PTPRK: variants seen among roughly 807,000 people sequenced by gnomAD.
The protein encoded by PTPRK is receptor-type tyrosine-protein phosphatase kappa.
A neutral mutation model predicts 178.0 loss-of-function variants in PTPRK; 75 were observed. That is an observed-to-expected ratio of 0.42 (90% CI 0.35 to 0.51). The LOEUF (loss-of-function observed/expected upper bound fraction) is 0.51, where lower values mean the gene tolerates loss of function less well. PTPRK is among the 20% of genes least tolerant of loss of function. The pLI is 0.02. For missense variants in PTPRK, 1,441 were observed against 1,797.8 expected, an observed-to-expected ratio of 0.80 and a Z score of 3.59; for synonymous variants, 637 against 620.6, an observed-to-expected ratio of 1.03 and a Z score of -0.39.
chr6:128,336,461 C>A (rs142382863), intron 2 of PTPRK, among the ~76,000 whole-genome samples: 2 of 152,080 alleles, frequency 1.3e-5, no homozygotes, highest in Non-Finnish European at 2.9e-5. Flanking sequence ...TACCCCAAGG[C>A]GCTGGGAAAA....
intron 1 of PTPRK, among the ~76,000 whole-genome samples, chr6:128,492,706 T>C (rs1378553156): frequency 6.6e-6 from 1 of 152,220 alleles, no homozygotes; most frequent in African/African-American, 2.4e-5. Flanking sequence ...TACTACTCTA[T>C]TGAATATAAC....
At chr6:128,136,361 T>C (rs948351660) in intron 7 of PTPRK, among the ~76,000 whole-genome samples, 92 of 152,356 alleles carry the variant, frequency 6.0e-4, no homozygotes, top group African/African-American at 2.0e-3. Context: ...GGTGCTTCCC[T>C]GAGCTGCGCT....
At chr6:128,419,072 A>T (rs1266797423) in intron 1 of PTPRK, among the ~76,000 whole-genome samples, 1 of 152,202 alleles carries the variant, frequency 6.6e-6, no homozygotes, top group Admixed American at 6.5e-5. Context: ...CAGTAATTCA[A>T]ATGAAGTATA....
At chr6:128,080,025 G>C (rs1400288543) in intron 10 of PTPRK, among the ~76,000 whole-genome samples, 1 of 147,436 alleles carries the variant, frequency 6.8e-6, no homozygotes, top group Non-Finnish European at 1.5e-5. Context: ...CTGGGGGTGG[G>C]GGGTCACACT....
At chr6:128,339,697 A>T (rs556463779) in intron 2 of PTPRK, among the ~76,000 whole-genome samples, 1 of 152,200 alleles carries the variant, frequency 6.6e-6, no homozygotes, top group East Asian at 1.9e-4. Flanking sequence ...TGTACCTAAG[A>T]AAATGAACAT....
chr6:128,219,944 C>T (rs1810091675), intron 5 of PTPRK, among the ~76,000 whole-genome samples: 1 of 152,152 alleles, frequency 6.6e-6, no homozygotes, highest in African/African-American at 2.4e-5. Context: ...CTCTCTTTGG[C>T]ATTAATGACA....
intron 21 of PTPRK, among the ~76,000 whole-genome samples, chr6:127,986,323 A>G (rs1339597330): frequency 6.6e-6 from 1 of 152,172 alleles, no homozygotes; most frequent in Non-Finnish European, 1.5e-5. Context: ...TCCATGTTGA[A>G]AATGGTTTTG....
chr6:128,148,029 G>T (rs534855321), intron 7 of PTPRK, among the ~76,000 whole-genome samples: 1 of 152,228 alleles, frequency 6.6e-6, no homozygotes, highest in Admixed American at 6.5e-5. Context: ...TGCTAAACTT[G>T]AGCTAAGATA....
At chr6:128,237,727 C>G (rs1208586894) in intron 5 of PTPRK, among the ~76,000 whole-genome samples, 2 of 152,190 alleles carry the variant, frequency 1.3e-5, no homozygotes, top group Admixed American at 1.3e-4. Context: ...GCTTCTTGAA[C>G]TCTAGGCTGT....
Position 128,242,612 on chromosome 6 carries a change from A to G in PTPRK, c.496-10T>C. 6.2e-7 allele frequency: 1 copy of G among 1,610,860 alleles called. No individual in the cohort carries two copies. Reference sequence around the variant, plus strand: ...CAGCTTCAAATATTACCTGTCAAAAAGAAACAGAAAATATTTACAACAATA... The same window carrying G: ...CAGCTTCAAATATTACCTGTCAAAAGGAAACAGAAAATATTTACAACAATA... On this transcript the variant is annotated splice_polypyrimidine_tract_variant and intron_variant, in intron 3 of 29. Coordinates refer to ENST00000368226, the MANE Select transcript of PTPRK (RefSeq NM_002844.4).
intron 1 of PTPRK, among the ~76,000 whole-genome samples, chr6:128,399,072 G>A (rs534700587): frequency 7.8e-4 from 119 of 152,190 alleles, no homozygotes; most frequent in African/African-American, 2.8e-3. Context: ...CCAATAACCT[G>A]TCTCCTTTCA....
chr6:128,200,460 C>T (rs1415552387), intron 6 of PTPRK, among the ~76,000 whole-genome samples: 1 of 152,052 alleles, frequency 6.6e-6, no homozygotes, highest in African/African-American at 2.4e-5. Context: ...GCAGAGGGCT[C>T]ACACCTATTA....
chr6:128,106,345 G>A (rs1328504904), intron 7 of PTPRK, among the ~76,000 whole-genome samples: 1 of 151,736 alleles, frequency 6.6e-6, no homozygotes, highest in Admixed American at 6.6e-5. Context: ...ACCCAATTAA[G>A]TGTTTGGCTG....
At chr6:128,228,582 C>T (rs1201308138) in intron 5 of PTPRK, among the ~76,000 whole-genome samples, 2 of 149,934 alleles carry the variant, frequency 1.3e-5, no homozygotes, top group African/African-American at 4.9e-5. Flanking sequence ...ATGGCGTGAA[C>T]CCGGGAGGCG....
At chr6:128,491,347 T>C (rs1460607807) in intron 1 of PTPRK, among the ~76,000 whole-genome samples, 3 of 152,176 alleles carry the variant, frequency 2.0e-5, no homozygotes, top group Admixed American at 6.5e-5. Flanking sequence ...ATTCAAAACA[T>C]GGGTGGTTAA....
intron 2 of PTPRK, among the ~76,000 whole-genome samples, chr6:128,375,677 A>G (rs1335428843): frequency 1.3e-5 from 2 of 152,154 alleles, no homozygotes; most frequent in African/African-American, 4.8e-5. Flanking sequence ...CATTAACTCA[A>G]AAGTCCACAG....
At chr6:128,204,643 AGCC>A (rs1806587877) in intron 6 of PTPRK, among the ~76,000 whole-genome samples, 1 of 150,540 alleles carries the variant, frequency 6.6e-6, no homozygotes. Flanking sequence ...ACATATAGGC[AGCC>A]AACAAACATG....
At chr6:128,246,596 T>C (rs1323734346) in intron 3 of PTPRK, among the ~76,000 whole-genome samples, 1 of 152,260 alleles carries the variant, frequency 6.6e-6, no homozygotes, top group East Asian at 1.9e-4. Flanking sequence ...CCTCACCTTG[T>C]AGGGCTCTTC....
chr6:128,397,220 A>G (rs1342512346), intron 2 of PTPRK, among the ~76,000 whole-genome samples: 1 of 152,248 alleles, frequency 6.6e-6, no homozygotes, highest in African/African-American at 2.4e-5. Flanking sequence ...TAATTGAATA[A>G]CTACGAAAAG....
Sources: allele counts gnomAD v4.1 joint callset (sites outside exome capture counted in the v4.1 genomes callset), GRCh38; gene constraint gnomAD v4.1.1; transcripts MANE v1.5; gene names NCBI Gene and HGNC (gene_info 2026-07-23, HGNC 2026-07-21).